CCDC39: variants seen among roughly 807,000 people sequenced by gnomAD.
CCDC39 encodes coiled-coil domain-containing protein 39.
CCDC39 carries 113 observed loss-of-function variants against 121.0 expected under a neutral mutation model. That is an observed-to-expected ratio of 0.93 (90% confidence interval 0.80 to 1.09). The LOEUF is 1.09. Ranked by LOEUF, CCDC39 falls within the 50% of genes least tolerant of loss-of-function variation. The pLI is 0.00. For synonymous variants in CCDC39, 349 were observed against 352.2 expected (o/e 0.99, Z 0.10); for missense variants, 1,063 against 1,074.7 (o/e 0.99, Z 0.15).
chr3:180,654,890 A>T lies in CCDC39; in HGVS notation c.802T>A (p.Phe268Ile). ...KENLVKEKIK[F>I]LESEIGNNTE... is the part of the protein sequence containing the mutation. ...TTATTCCCAATCTCACTTTCCAAAA[A>T]CTTGATCTTTTCTTTAACCAAATTT... Residue 268 changes from phenylalanine (F) to isoleucine (I), a missense_variant, in exon 7 of 20, where the codon TTT (phenylalanine) becomes ATT (isoleucine). Transcript: ENST00000476379. 1 of 1,591,684 alleles carries T rather than the reference A, an allele frequency of 6.3e-7. No homozygotes were observed. Among genetic ancestry groups the T allele is most frequent in the Non-Finnish European group, 8.5e-7 (1 of 1,172,014 alleles).
chr3:180,651,165 A>T (rs899756492), intron 9 of CCDC39, among the ~76,000 whole-genome samples: 1 of 152,084 alleles, frequency 6.6e-6, no homozygotes, highest in African/African-American at 2.4e-5. Context: ...ATTGCACTTT[A>T]GCCTGGGCAA....
In CCDC39 at chr3:180,652,250, G is replaced by A. The variant is rs1330394770; in HGVS notation, c.947C>T (p.Ala316Val). Residue 316 changes from alanine to valine, a missense_variant, in exon 8 of 20, where the codon GCC becomes GTC. By Grantham distance (64) the Ala-to-Val change is moderately conservative. Transcript: ENST00000476379. ...ATCACTGGAAGTTCTATTCACAGTG[G>A]CTTTTAAAGAATCCAGCTATTTATT... is the stretch of plus-strand genomic sequence containing the variant. ...QLKGELDSLK[A>V]TVNRTSSDLE... 6 of 1,520,824 alleles carry A rather than the reference G, an allele frequency of 3.9e-6. No individual in the cohort carries two copies. The highest frequency in any genetic ancestry group is 5.3e-6 in the Non-Finnish European group (6 of 1,132,418). The allele number at this position is 1,520,824 out of a possible 1,614,324, so 94.2% of individuals were successfully genotyped here. A position where few individuals can be genotyped will look rare whatever the true frequency, so the allele number is the denominator to read the frequency against.
At chr3:180,634,435 A>C (rs545710572) in intron 13 of CCDC39, among the ~76,000 whole-genome samples, 3 of 152,316 alleles carry the variant, frequency 2.0e-5, no homozygotes, top group African/African-American at 7.2e-5. Flanking sequence ...CCCATAGCAC[A>C]GACTACCTCA....
intron 14 of CCDC39, among the ~76,000 whole-genome samples, chr3:180,629,314 T>C (rs542214595): frequency 6.6e-6 from 1 of 152,370 alleles, no homozygotes; most frequent in Non-Finnish European, 1.5e-5. Context: ...TGGGTTATCT[T>C]TTCTACAGAG....
chr3:180,615,218 G>A, intron 19 of CCDC39, 141 bp from the exon 20 acceptor site: 1 of 577,030 alleles, frequency 1.7e-6, no homozygotes, highest in Non-Finnish European at 2.9e-6. Flanking sequence ...GTTTTTAAAT[G>A]ACCATCAATA....
chr3:180,617,740 A>C (rs1490587251), intron 16 of CCDC39: 7 of 371,512 alleles, frequency 1.9e-5, no homozygotes, highest in Non-Finnish European at 1.4e-5. Context: ...AAATTTTACA[A>C]AATTAAAAAT....
Position 180,644,257 on chromosome 3 carries a change from T to G in CCDC39, c.1528A>C (p.Asn510His). ...LLETQIKKLHNDLYFIKKAHS... is the reference protein window; with the variant it reads ...LLETQIKKLHHDLYFIKKAHS... The stretch of plus-strand genomic sequence containing the variant: ...GCCTTCTTGATAAAATAAAGATCAT[T>G]CTGCAAAAAAGAAAAAAGGTATATA... The change falls in exon 12 of 20, where the codon AAT (asparagine) becomes CAT (histidine). Residue 510 changes from asparagine to histidine, a missense_variant and splice_region_variant. By Grantham distance (68) the Asn-to-His change is moderately conservative. Transcript: ENST00000476379. The G allele has an allele frequency of 6.6e-7, 1 of 1,508,880 alleles. No individual in the cohort carries two copies. The highest frequency in any genetic ancestry group is 1.3e-5 in the South Asian group (1 of 76,368). The allele number at this position is 1,508,880 out of a possible 1,614,324, so 93.5% of individuals were successfully genotyped here. A position where few individuals can be genotyped will look rare whatever the true frequency, so the allele number is the denominator to read the frequency against.
intron 15 of CCDC39, 33 bp downstream of exon 15, chr3:180,619,778 T>G: frequency 1.5e-6 from 2 of 1,319,860 alleles, no homozygotes; most frequent in Admixed American, 4.1e-5. Context: ...CGTCACTGTA[T>G]ATATGTATAA....
chr3:180,663,967 T>C lies in CCDC39; in HGVS notation c.110A>G (p.Glu37Gly). Residue 37 changes from glutamate (E) to glycine (G), a missense_variant, in exon 2 of 20, where the codon GAA (glutamate) becomes GGA (glycine). Coordinates refer to ENST00000476379, the MANE Select transcript of CCDC39 (RefSeq NM_181426.2). The stretch of plus-strand genomic sequence containing the variant: ...TAACTCATCTTGCAAGCTTGCTCTT[T>C]CATCCTTCAGCTTTGACAACTGTAA... ...LEDQLSKLKD[E>G]RASLQDELRE... is the part of the protein sequence containing the mutation. The C allele has an allele frequency of 1.9e-6, 3 of 1,611,910 alleles. No individual in the cohort carries two copies. Among genetic ancestry groups the C allele is most frequent in the Non-Finnish European group, 2.5e-6 (3 of 1,179,264 alleles).
chr3:180,634,007 GA>G (rs528641341), intron 13 of CCDC39, among the ~76,000 whole-genome samples: 1 of 152,026 alleles, frequency 6.6e-6, no homozygotes, highest in Non-Finnish European at 1.5e-5. Context: ...TTGATTTGGG[GA>G]AAAAACAGCC....
chr3:180,652,117 A>ATC (rs1560089948), intron 8 of CCDC39, 46 bp downstream of exon 8: 1 of 986,834 alleles, frequency 1.0e-6, no homozygotes, highest in Middle Eastern at 3.1e-4. Flanking sequence ...TTTTCTAGAT[A>ATC]TAGTAAAAAA....
At chr3:180,672,957 T>G (rs1025870100) in intron 1 of CCDC39, among the ~76,000 whole-genome samples, 1 of 151,548 alleles carries the variant, frequency 6.6e-6, no homozygotes, top group African/African-American at 2.4e-5. Flanking sequence ...GTTTGAGAGG[T>G]TCAAGACTTC....
At chr3:180,621,160 C>G (rs1344117097) in intron 14 of CCDC39, among the ~76,000 whole-genome samples, 1 of 152,090 alleles carries the variant, frequency 6.6e-6, no homozygotes, top group Non-Finnish European at 1.5e-5. Flanking sequence ...TTGATCCAGT[C>G]ATCCATCAAT....
rs1160532503 is a variant in CCDC39, at chr3:180,651,849, A to C, written c.1034+314T>G. On this transcript the variant is annotated intron_variant, in intron 8 of 19. Transcript: ENST00000476379. ...TCAGGAGATCAAGACCATCCTGGCTAACACGGTGAAACCCCGTCTCTAATA... is the reference window on the plus strand; with the variant it reads ...TCAGGAGATCAAGACCATCCTGGCTCACACGGTGAAACCCCGTCTCTAATA... 4.6e-5 allele frequency among the ~76,000 whole-genome samples: 7 copies of C among 152,300 alleles called. No homozygotes were observed. In the East Asian group the frequency reaches 1.2e-3, roughly 25 times the overall value.
intron 6 of CCDC39, among the ~76,000 whole-genome samples, chr3:180,657,089 C>T (rs1465021468): frequency 6.6e-6 from 1 of 152,304 alleles, no homozygotes; most frequent in East Asian, 1.9e-4. Flanking sequence ...TCCAAGAACA[C>T]TCTTTCAGGG....
chr3:180,644,669 T>C (rs1178465243), intron 11 of CCDC39, among the ~76,000 whole-genome samples: 1 of 152,210 alleles, frequency 6.6e-6, no homozygotes, highest in Non-Finnish European at 1.5e-5. Flanking sequence ...TCTTCCTGTA[T>C]ACCTTTAATT....
intron 14 of CCDC39, among the ~76,000 whole-genome samples, 159 bp downstream of exon 14, chr3:180,631,310 T>G (rs1717688501): frequency 6.6e-6 from 1 of 152,216 alleles, no homozygotes; most frequent in Non-Finnish European, 1.5e-5. Flanking sequence ...TGGCCTTTGT[T>G]AAGTGTAATA....
intron 14 of CCDC39, among the ~76,000 whole-genome samples, chr3:180,627,717 A>C (rs1717596975): frequency 6.6e-6 from 1 of 152,188 alleles, no homozygotes; most frequent in East Asian, 1.9e-4. Flanking sequence ...TAAGGGTTAG[A>C]TATTATAAGA....
chr3:180,663,826 T>C, intron 2 of CCDC39, 41 bp downstream of exon 2: 1 of 1,594,010 alleles, frequency 6.3e-7, no homozygotes, highest in Non-Finnish European at 8.6e-7. Flanking sequence ...AGATGTTCCA[T>C]GACTACACGA....
Sources: allele counts gnomAD v4.1 joint callset (sites outside exome capture counted in the v4.1 genomes callset), GRCh38; gene constraint gnomAD v4.1.1; transcripts MANE v1.5; gene names NCBI Gene and HGNC (gene_info 2026-07-23, HGNC 2026-07-21).